TOGARAM2: variants seen among roughly 807,000 people sequenced by gnomAD.
TOGARAM2 encodes the protein TOG array regulator of axonemal microtubules 2, also known as TOG array regulator of axonemal microtubules protein 2.
Under a neutral mutation model 93.3 loss-of-function variants are expected in TOGARAM2, and 85 were observed. That is an observed-to-expected ratio of 0.91 (90% CI 0.76 to 1.09). The LOEUF (loss-of-function observed/expected upper bound fraction) is 1.09. TOGARAM2 is among the 50% of genes least tolerant of loss of function. The pLI is 0.00. For missense variants in TOGARAM2, 1,277 were observed against 1,334.5 expected, an observed-to-expected ratio of 0.96 and a Z score of 0.67; for synonymous variants, 593 against 552.8, an observed-to-expected ratio of 1.07 and a Z score of -1.02.
intron 12 of TOGARAM2, among the ~76,000 whole-genome samples, chr2:29,023,599 A>G (rs1297537565): frequency 6.6e-6 from 1 of 152,062 alleles, no homozygotes; most frequent in Non-Finnish European, 1.5e-5. Context: ...ATTTGTTCTC[A>G]TGTGGAGGCT....
intron 1 of TOGARAM2, among the ~76,000 whole-genome samples, chr2:28,988,499 C>T (rs112543688): frequency 7.2e-5 from 11 of 152,270 alleles, no homozygotes; most frequent in African/African-American, 1.9e-4. Context: ...ACTGGGCTCC[C>T]GCTCCATCAG....
At chr2:29,027,112 G>A in intron 14 of TOGARAM2, 101 bp downstream of exon 14, 2 of 1,223,936 alleles carry the variant, frequency 1.6e-6, no homozygotes, top group Non-Finnish European at 1.1e-6. Context: ...ATCCTGCAGA[G>A]GGACAGGCAG....
chr2:28,985,779 T>C (rs112109109), intron 1 of TOGARAM2, among the ~76,000 whole-genome samples: 7 of 152,332 alleles, frequency 4.6e-5, no homozygotes, highest in African/African-American at 1.7e-4. Flanking sequence ...TGTACAAATA[T>C]GTACAGTCAT....
chr2:29,045,550 T>G, intron 19 of TOGARAM2, 140 bp downstream of exon 19: 1 of 735,734 alleles, frequency 1.4e-6, no homozygotes. Flanking sequence ...AATCTGCTTT[T>G]TTTGTGTGTG....
chr2:29,021,681 A>G (rs909963656), intron 10 of TOGARAM2, among the ~76,000 whole-genome samples: 15 of 152,090 alleles, frequency 9.9e-5, no homozygotes, highest in Admixed American at 9.8e-4. Flanking sequence ...CTTGTGGGCA[A>G]CCTCACAAAA....
At chr2:28,986,967 C>G (rs930842860) in intron 1 of TOGARAM2, among the ~76,000 whole-genome samples, 2 of 152,268 alleles carry the variant, frequency 1.3e-5, no homozygotes, top group African/African-American at 4.8e-5. Context: ...ACACAGCTAG[C>G]AGGTGATGGA....
chr2:29,043,714 G>A (rs963308544), intron 18 of TOGARAM2, among the ~76,000 whole-genome samples: 1 of 152,200 alleles, frequency 6.6e-6, no homozygotes, highest in African/African-American at 2.4e-5. Flanking sequence ...AAAATGCTGG[G>A]AGCTTGGCAT....
Position 29,008,709 on chromosome 2 carries a change from G to A in TOGARAM2, c.831-2746G>A, listed in dbSNP as rs191464109. On this transcript the variant is annotated intron_variant, in intron 6 of 19. Coordinates refer to ENST00000379558, the MANE Select transcript of TOGARAM2 (RefSeq NM_199280.4). The stretch of plus-strand genomic sequence containing the variant: ...TGATCTCAGGTGATCTGCCCACCTC[G>A]GCCTCCCAAAGTGCTGGGATTACAG... Among the ~76,000 whole-genome samples the A allele has an allele frequency of 2.6e-3, 390 of 152,214 alleles. 2 individuals are homozygous for A. The highest frequency in any genetic ancestry group is 8.6e-3 in the African/African-American group (356 of 41,518).
At chr2:28,992,472 G>T (rs1672781227) in intron 1 of TOGARAM2, among the ~76,000 whole-genome samples, 1 of 152,154 alleles carries the variant, frequency 6.6e-6, no homozygotes, top group Non-Finnish European at 1.5e-5. Context: ...TGGGACCAGG[G>T]GGAACCTGGG....
At chr2:28,971,732 G>A (rs1280915558) in intron 1 of TOGARAM2, among the ~76,000 whole-genome samples, 2 of 133,534 alleles carry the variant, frequency 1.5e-5, no homozygotes, top group African/African-American at 2.8e-5. Context: ...GCTGGGGAGA[G>A]AGATCTACAC....
At chr2:29,005,203 G>C (rs1000376124) in intron 6 of TOGARAM2, among the ~76,000 whole-genome samples, 1 of 62,388 alleles carries the variant, frequency 1.6e-5, no homozygotes, top group Non-Finnish European at 5.5e-5. Flanking sequence ...GTGTGTGCAT[G>C]TGTGTGGGTA....
chr2:28,969,496 T>G (rs1452497252), intron 1 of TOGARAM2, among the ~76,000 whole-genome samples: 2 of 152,190 alleles, frequency 1.3e-5, no homozygotes, highest in Non-Finnish European at 2.9e-5. Flanking sequence ...CAATGGGACT[T>G]GGGTCACTCA....
At chr2:29,015,832 C>T (rs1228139253) in intron 8 of TOGARAM2, among the ~76,000 whole-genome samples, 1 of 152,142 alleles carries the variant, frequency 6.6e-6, no homozygotes, top group Non-Finnish European at 1.5e-5. Context: ...TGGCTGCCTC[C>T]TCCTCATCTC....
At chr2:28,983,728 C>T (rs751415450) in intron 1 of TOGARAM2, among the ~76,000 whole-genome samples, 2 of 152,142 alleles carry the variant, frequency 1.3e-5, no homozygotes, top group Non-Finnish European at 2.9e-5. Context: ...TCAGGTAAAG[C>T]CAGACCACTT....
chr2:29,007,730 C>T (rs1663969185), intron 6 of TOGARAM2, among the ~76,000 whole-genome samples: 1 of 152,128 alleles, frequency 6.6e-6, no homozygotes, highest in Non-Finnish European at 1.5e-5. Context: ...AATGCTGAGT[C>T]TCCTTGGCCT....
At chr2:29,049,988 C>T (rs1666974437) in intron 19 of TOGARAM2, 1 of 152,094 alleles carries the variant, frequency 6.6e-6, no homozygotes, top group South Asian at 2.1e-4. Context: ...TCAGAGGGAC[C>T]CGTGGGGCTC....
At chr2:29,035,677 C>A (rs1423148039) in intron 17 of TOGARAM2, 21 bp downstream of exon 17, 11 of 1,374,218 alleles carry the variant, frequency 8.0e-6, no homozygotes, top group Non-Finnish European at 9.5e-6. Context: ...CTTGCTTTTA[C>A]TCTCCCACCT....
intron 4 of TOGARAM2, 35 bp from the exon 5 acceptor site, chr2:29,002,501 G>A (rs1349881973): frequency 6.3e-7 from 1 of 1,587,394 alleles, no homozygotes; most frequent in Admixed American, 1.7e-5. Flanking sequence ...TGTTCTTCTG[G>A]GACTAACTGA....
chr2:28,993,949 G>T (rs1672864558), intron 1 of TOGARAM2, among the ~76,000 whole-genome samples: 1 of 152,226 alleles, frequency 6.6e-6, no homozygotes, highest in Admixed American at 6.5e-5. Context: ...GGAGCTGTGG[G>T]CTTCACCCCT....
Sources: gnomAD v4.1 joint callset for allele counts (sites outside exome capture counted in the v4.1 genomes callset) on GRCh38, gnomAD v4.1.1 for gene constraint, MANE v1.5 for transcripts, NCBI Gene and HGNC (gene_info 2026-07-23, HGNC 2026-07-21) for gene names.